Variants in GALNTL6 observed in about 807,000 individuals in gnomAD.
The protein encoded by GALNTL6 is polypeptide N-acetylgalactosaminyltransferase like 6.
Under a neutral mutation model 73.7 loss-of-function variants are expected in GALNTL6, and 46 were observed. The observed-to-expected ratio is 0.62, with a 90% CI of 0.49 to 0.80. The LOEUF (loss-of-function observed/expected upper bound fraction) is 0.80, where lower values mean the gene tolerates loss of function less well. GALNTL6 is among the 30% of genes least tolerant of loss of function. The probability of loss-of-function intolerance (pLI) is 0.00; values close to 1 mark genes in which losing one functional copy is unlikely to be tolerated. For synonymous variants in GALNTL6, 259 were observed against 263.7 expected (o/e 0.98, Z 0.17); for missense variants, 604 against 755.0 (o/e 0.80, Z 2.34).
intron 2 of GALNTL6, among the ~76,000 whole-genome samples, chr4:171,928,310 G>T (rs1018395825): frequency 6.6e-6 from 1 of 152,250 alleles, no homozygotes; most frequent in South Asian, 2.1e-4. Flanking sequence ...GAGAGTTTGA[G>T]GTCAGGGAGT....
At chr4:172,534,846 G>A (rs558871077) in intron 5 of GALNTL6, among the ~76,000 whole-genome samples, 16 of 152,270 alleles carry the variant, frequency 1.1e-4, no homozygotes, top group East Asian at 5.8e-4. Flanking sequence ...GATTACAGGC[G>A]TGAGCCACCG....
At chr4:171,830,396 T>C (rs1213383480) in intron 2 of GALNTL6, among the ~76,000 whole-genome samples, 2 of 152,166 alleles carry the variant, frequency 1.3e-5, no homozygotes, top group Admixed American at 1.3e-4. Context: ...GTGCTTAGCA[T>C]TATCTGACCA....
intron 7 of GALNTL6, among the ~76,000 whole-genome samples, chr4:172,877,196 C>A (rs912546540): frequency 2.6e-5 from 4 of 151,884 alleles, no homozygotes; most frequent in Non-Finnish European, 5.9e-5. Context: ...AATATGATGT[C>A]TTTTTTATTA....
intron 9 of GALNTL6, among the ~76,000 whole-genome samples, chr4:172,934,490 A>G (rs1024194336): frequency 6.6e-6 from 1 of 152,254 alleles, no homozygotes; most frequent in African/African-American, 2.4e-5. Context: ...AAAAACAAAA[A>G]TCAGCATCAC....
At chr4:171,958,549 T>C (rs1396896654) in intron 2 of GALNTL6, among the ~76,000 whole-genome samples, 1 of 152,188 alleles carries the variant, frequency 6.6e-6, no homozygotes, top group Non-Finnish European at 1.5e-5. Flanking sequence ...AGGTCTTTAC[T>C]GTTATCAGAT....
In GALNTL6 at chr4:172,548,213, T is replaced by A. The variant is rs896525055; in HGVS notation, c.553+199524T>A. Among the ~76,000 whole-genome samples the A allele has an allele frequency of 4.3e-4, 66 of 152,310 alleles. 1 individual carries two copies. Among genetic ancestry groups the A allele is most frequent in the Non-Finnish European group, 8.7e-4 (59 of 68,030 alleles). On this transcript the variant is annotated intron_variant, in intron 5 of 12. Transcript: ENST00000506823. ...TTATGTCTCCACCTGATAGCTTTCC[T>A]GGAGAAGTATTTGCTTTATATTTTT...
intron 7 of GALNTL6, among the ~76,000 whole-genome samples, chr4:172,880,061 A>G (rs1472934603): frequency 6.6e-6 from 1 of 152,118 alleles, no homozygotes; most frequent in African/African-American, 2.4e-5. Flanking sequence ...TTCCAGGAAT[A>G]GAAAATGGTA....
At chr4:172,670,649 G>A (rs1007733899) in intron 5 of GALNTL6, among the ~76,000 whole-genome samples, 1 of 152,104 alleles carries the variant, frequency 6.6e-6, no homozygotes, top group Admixed American at 6.5e-5. Flanking sequence ...AAGCACTTTA[G>A]TTTAACTAGA....
intron 4 of GALNTL6, among the ~76,000 whole-genome samples, chr4:172,347,594 A>T (rs1029458243): frequency 6.6e-6 from 1 of 152,200 alleles, no homozygotes; most frequent in Non-Finnish European, 1.5e-5. Context: ...TCTGTGAATT[A>T]TAAGCAAAAC....
chr4:172,482,333 G>A (rs189069215), intron 5 of GALNTL6, among the ~76,000 whole-genome samples: 1,999 of 152,350 alleles, frequency 0.013, 26 homozygotes, highest in Middle Eastern at 0.02. Context: ...TTACAGCAAC[G>A]GGCTGAAGGG....
At chr4:172,540,655 A>G (rs1735519631) in intron 5 of GALNTL6, among the ~76,000 whole-genome samples, 1 of 152,134 alleles carries the variant, frequency 6.6e-6, no homozygotes, top group Admixed American at 6.5e-5. Flanking sequence ...GAAGGTATAC[A>G]TTGGGTTCAG....
chr4:172,152,942 A>G (rs2110765696), intron 2 of GALNTL6, among the ~76,000 whole-genome samples: 1 of 152,304 alleles, frequency 6.6e-6, no homozygotes, highest in Non-Finnish European at 1.5e-5. Flanking sequence ...TGTCTTGGGG[A>G]AGCAGTCAAA....
chr4:172,542,369 G>A (rs1484983734), intron 5 of GALNTL6, among the ~76,000 whole-genome samples: 1 of 152,100 alleles, frequency 6.6e-6, no homozygotes, highest in Non-Finnish European at 1.5e-5. Flanking sequence ...ACCCGTGCAA[G>A]CTCCCAGCTT....
At chr4:172,843,584 C>G (rs1166627327) in intron 7 of GALNTL6, among the ~76,000 whole-genome samples, 1 of 152,150 alleles carries the variant, frequency 6.6e-6, no homozygotes, top group Non-Finnish European at 1.5e-5. Flanking sequence ...TTTCCATGCT[C>G]TGGTGTTCTG....
chr4:172,423,910 T>G (rs2332529), intron 5 of GALNTL6, among the ~76,000 whole-genome samples: 34,425 of 151,972 alleles, frequency 0.23, 4,476 homozygotes, highest in East Asian at 0.35. Flanking sequence ...AGCAAGATAC[T>G]CTATATCCGT....
At chr4:172,299,751 G>T (rs1424649646) in intron 3 of GALNTL6, among the ~76,000 whole-genome samples, 1 of 152,138 alleles carries the variant, frequency 6.6e-6, no homozygotes, top group Non-Finnish European at 1.5e-5. Context: ...TATAATTTCT[G>T]TTCTTTTACG....
In GALNTL6 at chr4:172,552,645, C is replaced by A. The variant is rs145209462; in HGVS notation, c.553+203956C>A. ...TGTCTACCCGCTCTATATACTAGGTCATGCACAAATTGTTTTTCTAAAGGT... is the reference window on the plus strand; with the variant it reads ...TGTCTACCCGCTCTATATACTAGGTAATGCACAAATTGTTTTTCTAAAGGT... On this transcript the variant is annotated intron_variant, in intron 5 of 12. Coordinates refer to ENST00000506823, the MANE Select transcript of GALNTL6 (RefSeq NM_001034845.3). Among the ~76,000 whole-genome samples, 1,298 of 151,606 alleles carry A rather than the reference C, an allele frequency of 8.6e-3. 12 individuals carry two copies. Among genetic ancestry groups the A allele is most frequent in the East Asian group, 0.041 (211 of 5,144 alleles).
intron 2 of GALNTL6, among the ~76,000 whole-genome samples, chr4:172,054,432 A>G (rs1418533760): frequency 6.6e-6 from 1 of 152,184 alleles, no homozygotes; most frequent in African/African-American, 2.4e-5. Context: ...ATAAACAACA[A>G]TTGATGGAAT....
In GALNTL6 at chr4:172,744,840, CGTGTGT is replaced by C. The variant is rs3084334; in HGVS notation, c.554-64494_554-64489del. On this transcript the variant is annotated intron_variant, in intron 5 of 12. Transcript: ENST00000506823. ...AGGATAGATTTTAAGAGTGCGCGTGCGTGTGTGTGTGTGTGTGTGTGTGTGTGTGTG... is the reference window on the plus strand; with the variant it reads ...AGGATAGATTTTAAGAGTGCGCGTGCGTGTGTGTGTGTGTGTGTGTGTGTG... 4.1e-3 allele frequency among the ~76,000 whole-genome samples: 618 copies of C among 149,326 alleles called. 4 individuals are homozygous for C. The highest frequency in any genetic ancestry group is 0.012 in the African/African-American group (508 of 40,816).
Sources: allele counts gnomAD v4.1 joint callset (sites outside exome capture counted in the v4.1 genomes callset), GRCh38; gene constraint gnomAD v4.1.1; transcripts MANE v1.5; gene names NCBI Gene and HGNC (gene_info 2026-07-23, HGNC 2026-07-21).